STOX1: variants seen among roughly 807,000 people sequenced by gnomAD.
STOX1 encodes the protein storkhead-box protein 1.
A neutral mutation model predicts 74.8 loss-of-function variants in STOX1; 57 were observed. The ratio of observed to expected loss-of-function variants is 0.76; its 90% CI spans 0.62 to 0.95. The LOEUF is 0.95. STOX1 is among the 40% of genes least tolerant of loss of function. STOX1 has a pLI of 0.00. For missense variants in STOX1, 1,010 were observed against 1,117.0 expected (o/e 0.90, Z 1.37); for synonymous variants, 375 against 401.3 (o/e 0.93, Z 0.78).
At chr10:68,855,719 A>G (rs576794722) in intron 1 of STOX1, among the ~76,000 whole-genome samples, 1 of 152,010 alleles carries the variant, frequency 6.6e-6, no homozygotes, top group East Asian at 1.9e-4. Context: ...TGGCAGGATT[A>G]TAGGCGTAAG....
At chr10:68,838,587 C>G (rs926506064) in intron 1 of STOX1, among the ~76,000 whole-genome samples, 1 of 151,988 alleles carries the variant, frequency 6.6e-6, no homozygotes, top group Non-Finnish European at 1.5e-5. Flanking sequence ...GCTAATTCCT[C>G]TGGGTAGGAC....
At chr10:68,841,542 TTTC>T (rs2133507824) in intron 1 of STOX1, among the ~76,000 whole-genome samples, 1 of 152,292 alleles carries the variant, frequency 6.6e-6, no homozygotes, top group Non-Finnish European at 1.5e-5. Flanking sequence ...GGAAACAAAT[TTTC>T]TTAAGTCATT....
At chr10:68,831,425 A>T (rs1458870937) in intron 1 of STOX1, among the ~76,000 whole-genome samples, 1 of 152,068 alleles carries the variant, frequency 6.6e-6, no homozygotes, top group Non-Finnish European at 1.5e-5. Flanking sequence ...GACTCAGGTG[A>T]TCCGCCCGCC....
intron 1 of STOX1, among the ~76,000 whole-genome samples, chr10:68,843,061 CAG>C (rs779770430): frequency 7.9e-5 from 12 of 151,982 alleles, no homozygotes; most frequent in Non-Finnish European, 1.5e-4. Flanking sequence ...TTTTTTGAAA[CAG>C]AGTCTCACTC....
In STOX1 at chr10:68,892,606, C is replaced by G. The variant is rs758294455; in HGVS notation, c.2840C>G (p.Ser947Cys). ...ATCTTTAGGACACAGAGTCTGGGATCTAATAATTCAGTCATTTTGGATGGA... is the reference window on the plus strand; with the variant it reads ...ATCTTTAGGACACAGAGTCTGGGATGTAATAATTCAGTCATTTTGGATGGA... Reference protein sequence around the residue: ...IDSPRTQSLGSNNSVILDGLK... With the variant: ...IDSPRTQSLGCNNSVILDGLK... The change falls in exon 4 of 4, where the codon TCT (serine) becomes TGT (cysteine). Residue 947 changes from serine to cysteine, a missense_variant. Physicochemically the swap from Ser to Cys is moderately radical, Grantham distance 112. Coordinates refer to ENST00000298596, the MANE Select transcript of STOX1 (RefSeq NM_152709.5). The G allele has an allele frequency of 2.9e-5, 46 of 1,613,540 alleles. No homozygotes were observed. Among genetic ancestry groups the G allele is most frequent in the Non-Finnish European group, 3.7e-5 (44 of 1,179,616 alleles).
chr10:68,886,710 C>T (rs1295359179), intron 3 of STOX1, 92 bp downstream of exon 3: 1 of 1,162,194 alleles, frequency 8.6e-7, no homozygotes, highest in Non-Finnish European at 1.2e-6. Flanking sequence ...GGGCAGATCA[C>T]GAGGTCAAGA....
rs530354632 is a variant in STOX1 at position 68,881,531 on chromosome 10, A to C, written c.311-427A>C. ...CTTTTAGACTTGGGACCATTACTTGAGTTTTCTATAACTTTATATATTTTA... is the reference window on the plus strand; with the variant it reads ...CTTTTAGACTTGGGACCATTACTTGCGTTTTCTATAACTTTATATATTTTA... On this transcript the variant is annotated intron_variant, in intron 1 of 3. Transcript: ENST00000298596. Among the ~76,000 whole-genome samples the C allele has an allele frequency of 1.2e-4, 18 of 152,316 alleles. No homozygotes were observed. In the East Asian group the frequency reaches 3.1e-3, roughly 26 times the overall value.
chr10:68,862,886 T>G (rs1414621769), intron 1 of STOX1, among the ~76,000 whole-genome samples: 1 of 152,076 alleles, frequency 6.6e-6, no homozygotes, highest in East Asian at 1.9e-4. Context: ...GGTCCAATCT[T>G]GTTTACAAAT....
At chr10:68,831,842 A>G (rs751735375) in intron 1 of STOX1, among the ~76,000 whole-genome samples, 2 of 152,096 alleles carry the variant, frequency 1.3e-5, no homozygotes, top group Non-Finnish European at 2.9e-5. Context: ...CTCTAAAAAG[A>G]GAGACATTGG....
chr10:68,860,424 T>A (rs888981524), intron 1 of STOX1, among the ~76,000 whole-genome samples: 1 of 149,822 alleles, frequency 6.7e-6, no homozygotes, highest in Non-Finnish European at 1.5e-5. Flanking sequence ...ATACAAAAAA[T>A]TAGCCAGGCA....
At chr10:68,856,172 C>T (rs12359785) in intron 1 of STOX1, among the ~76,000 whole-genome samples, 33,568 of 151,818 alleles carry the variant, frequency 0.22, 4,227 homozygotes, top group East Asian at 0.52. Flanking sequence ...AGACGGGTCA[C>T]GTGCTGGGAT....
In STOX1 at chr10:68,844,860, T is replaced by A. The variant is rs545980364; in HGVS notation, c.310+16927T>A. On this transcript the variant is annotated intron_variant, in intron 1 of 3. Transcript: ENST00000298596. The stretch of plus-strand genomic sequence containing the variant: ...TCATTGTAACCTCCACCTCCCACTT[T>A]CAATTGATTCTCCGGCCTCAGCCTC... 1.2e-3 allele frequency among the ~76,000 whole-genome samples: 175 copies of A among 151,374 alleles called. 1 individual carries two copies. Among genetic ancestry groups the A allele is most frequent in the African/African-American group, 4.1e-3 (170 of 41,222 alleles).
chr10:68,860,028 A>G (rs1840222798), intron 1 of STOX1, among the ~76,000 whole-genome samples: 1 of 151,972 alleles, frequency 6.6e-6, no homozygotes, highest in Non-Finnish European at 1.5e-5. Context: ...GTGGTGGCTC[A>G]TGCCTGTAAT....
At chr10:68,847,071 T>A (rs1438316533) in intron 1 of STOX1, among the ~76,000 whole-genome samples, 1 of 152,126 alleles carries the variant, frequency 6.6e-6, no homozygotes, top group Non-Finnish European at 1.5e-5. Context: ...AGTTCCTGAG[T>A]CTTTGAACAC....
At chr10:68,859,588 C>T (rs1840210254) in intron 1 of STOX1, among the ~76,000 whole-genome samples, 1 of 152,042 alleles carries the variant, frequency 6.6e-6, no homozygotes, top group Admixed American at 6.6e-5. Context: ...TCCAGAAGGT[C>T]TAATCAAGCC....
intron 1 of STOX1, among the ~76,000 whole-genome samples, chr10:68,842,316 T>C (rs970062918): frequency 6.6e-6 from 1 of 152,146 alleles, no homozygotes; most frequent in East Asian, 1.9e-4. Context: ...TCTGTGCTAG[T>C]GGAAAGTCAC....
rs779170760 is a variant in STOX1 at position 68,884,539 on chromosome 10, G to A, written c.743G>A (p.Arg248Gln). 8.7e-6 allele frequency: 14 copies of A among 1,613,614 alleles called. No individual in the cohort carries two copies. Among genetic ancestry groups the A allele is most frequent in the African/African-American group, 4.0e-5 (3 of 74,898 alleles). ...ISHCQSCQCFRDMHTQDVQEA... is the reference protein window; with the variant it reads ...ISHCQSCQCFQDMHTQDVQEA... ...CACTGTCAGTCTTGCCAGTGTTTCCGGGACATGCACACTCAGGATGTTCAG... is the reference window on the plus strand; with the variant it reads ...CACTGTCAGTCTTGCCAGTGTTTCCAGGACATGCACACTCAGGATGTTCAG... The change falls in exon 3 of 4, where the codon CGG (arginine) becomes CAG (glutamine). Residue 248 changes from arginine (R) to glutamine (Q), a missense_variant. Physicochemically the swap from Arg to Gln is conservative, Grantham distance 43. Transcript: ENST00000298596.
intron 1 of STOX1, among the ~76,000 whole-genome samples, chr10:68,880,968 A>G (rs1840802866): frequency 6.6e-6 from 1 of 152,220 alleles, no homozygotes; most frequent in Non-Finnish European, 1.5e-5. Context: ...TACTGGGATT[A>G]CAGTCCTGAG....
chr10:68,877,653 T>C (rs1840711479), intron 1 of STOX1, among the ~76,000 whole-genome samples: 1 of 152,200 alleles, frequency 6.6e-6, no homozygotes, highest in Non-Finnish European at 1.5e-5. Context: ...TACTATGTTT[T>C]CCAGTGCACA....
Sources: allele counts gnomAD v4.1 joint callset (sites outside exome capture counted in the v4.1 genomes callset), GRCh38; gene constraint gnomAD v4.1.1; transcripts MANE v1.5; gene names NCBI Gene and HGNC (gene_info 2026-07-23, HGNC 2026-07-21).